Variants in CDH11 observed in about 807,000 individuals in gnomAD.
CDH11 encodes cadherin-11.
CDH11 carries 11 observed loss-of-function variants against 67.8 expected under a neutral mutation model. The observed-to-expected ratio is 0.16, with a 90% CI of 0.10 to 0.27. The LOEUF (loss-of-function observed/expected upper bound fraction) is 0.27. Ranked by LOEUF, CDH11 falls within the 10% of genes least tolerant of loss-of-function variation. The pLI is 1.00. For synonymous variants in CDH11, 419 were observed against 400.0 expected (o/e 1.05, Z -0.57); for missense variants, 847 against 1,031.2 (o/e 0.82, Z 2.45).
intron 3 of CDH11, among the ~76,000 whole-genome samples, chr16:65,003,114 G>T (rs1181842919): frequency 2.8e-5 from 4 of 144,732 alleles, no homozygotes; most frequent in Admixed American, 1.4e-4. Context: ...GGAGGCCTTT[G>T]TCTCATAATA....
At chr16:64,989,754 T>C (rs1273114799) in intron 6 of CDH11, among the ~76,000 whole-genome samples, 1 of 152,178 alleles carries the variant, frequency 6.6e-6, no homozygotes, top group Non-Finnish European at 1.5e-5. Context: ...CATTATCTTA[T>C]TTGCTTTTCA....
In CDH11 at chr16:64,944,660, T is replaced by C. The variant is rs1293951155; in HGVS notation, c.*2943A>G. 1 of 231,502 alleles carries C rather than the reference T, an allele frequency of 4.3e-6. No individual in the cohort carries two copies. Among genetic ancestry groups the C allele is most frequent in the Non-Finnish European group, 8.5e-6 (1 of 117,038 alleles). The allele number at this position is 231,502 out of a possible 1,614,324, so 14.3% of individuals were successfully genotyped here. ...CCATGATCTCTATATTTTTAAGCAA[T>C]TCTCCAAGAGGTGCAAATAAACTAC... On this transcript the variant is annotated 3_prime_UTR_variant, in exon 13 of 13. Coordinates refer to ENST00000268603, the MANE Select transcript of CDH11 (RefSeq NM_001797.4).
At chr16:65,114,665 G>A (rs990133736) in intron 1 of CDH11, among the ~76,000 whole-genome samples, 6 of 152,102 alleles carry the variant, frequency 3.9e-5, no homozygotes, top group East Asian at 1.9e-4. Context: ...AGGAGGGAAC[G>A]CCAGCCTGGA....
intron 1 of CDH11, among the ~76,000 whole-genome samples, chr16:65,080,578 T>C (rs2142797755): frequency 6.6e-6 from 1 of 152,360 alleles, no homozygotes; most frequent in African/African-American, 2.4e-5. Flanking sequence ...GAATTCTTCA[T>C]GTGAGCACGT....
chr16:65,039,152 CT>C (rs1426621705), intron 2 of CDH11, among the ~76,000 whole-genome samples: 5 of 152,196 alleles, frequency 3.3e-5, no homozygotes, highest in African/African-American at 1.2e-4. Flanking sequence ...GCGCACTTGC[CT>C]CCTTCCTTGC....
rs749514930 is a variant in CDH11, at chr16:64,988,195, C to A, written c.961G>T (p.Asp321Tyr). Residue 321 changes from aspartate to tyrosine, a missense_variant, in exon 7 of 13, where the codon GAC (aspartate) becomes TAC (tyrosine). By Grantham distance (160) the Asp-to-Tyr change is radical. This residue lies in a region of CDH11 where 612 missense variants were observed against 678.7 expected (regional missense o/e 0.90). Transcript: ENST00000268603. ...DGMESFEITT[D>Y]YETQEGVIKL... is the part of the protein sequence containing the mutation. ...ATCACCCCCTCCTGTGTTTCATAGT[C>A]CGTTGTGATTTCAAACGATTCCATA... is the stretch of plus-strand genomic sequence containing the variant. 3.2e-5 allele frequency: 51 copies of A among 1,612,608 alleles called. No homozygotes were observed. In the Admixed American group the frequency reaches 8.4e-4, roughly 26 times the overall value.
chr16:65,028,343 T>C (rs1274705254), intron 2 of CDH11, among the ~76,000 whole-genome samples: 3 of 151,872 alleles, frequency 2.0e-5, no homozygotes. Flanking sequence ...GAGGAGAGAG[T>C]AAATGTTGCT....
At chr16:65,012,725 C>T (rs2142552376) in intron 2 of CDH11, among the ~76,000 whole-genome samples, 1 of 152,302 alleles carries the variant, frequency 6.6e-6, no homozygotes, top group African/African-American at 2.4e-5. Flanking sequence ...TGACAGCAAG[C>T]TTCCTGTATG....
At chr16:65,059,992 A>G (rs555831368) in intron 1 of CDH11, among the ~76,000 whole-genome samples, 1 of 152,202 alleles carries the variant, frequency 6.6e-6, no homozygotes, top group African/African-American at 2.4e-5. Context: ...CAACATATTA[A>G]CAACTGAGGT....
intron 1 of CDH11, among the ~76,000 whole-genome samples, chr16:65,113,300 A>G (rs2075191939): frequency 6.6e-6 from 1 of 151,920 alleles, no homozygotes; most frequent in East Asian, 1.9e-4. Context: ...AAAAAAAAAA[A>G]AAGACTTTTG....
chr16:65,120,384 A>G (rs117595578), intron 1 of CDH11, among the ~76,000 whole-genome samples: 1 of 152,274 alleles, frequency 6.6e-6, no homozygotes, highest in Non-Finnish European at 1.5e-5. Context: ...GAGGAAATTG[A>G]TCCGTCCTCT....
chr16:65,103,948 T>G (rs987427053), intron 1 of CDH11, among the ~76,000 whole-genome samples: 1 of 152,182 alleles, frequency 6.6e-6, no homozygotes, highest in East Asian at 1.9e-4. Context: ...CTATTTCCCT[T>G]TTACTTTTTT....
chr16:65,086,468 C>T (rs971436590), intron 1 of CDH11, among the ~76,000 whole-genome samples: 4 of 152,186 alleles, frequency 2.6e-5, no homozygotes, highest in Admixed American at 1.3e-4. Flanking sequence ...CATCTAGATC[C>T]GCCTCTGTTG....
rs537969239 is a variant in CDH11 at position 65,053,904 on chromosome 16, C to T, written c.-273G>A. The T allele has an allele frequency of 3.1e-5, 14 of 455,898 alleles. No homozygotes were observed. The highest frequency in any genetic ancestry group is 3.2e-4 in the Middle Eastern group (1 of 3,092). The allele number at this position is 455,898 out of a possible 1,614,324, so 28.2% of individuals were successfully genotyped here. A position where few individuals can be genotyped will look rare whatever the true frequency, so the allele number is the denominator to read the frequency against. On this transcript the variant is annotated 5_prime_UTR_variant, in exon 2 of 13. Transcript: ENST00000268603. ...ACAACACGAAGGAATGTCACAGGGCCGCTGAGCTGAAAACACAGTGATTTC... is the reference window on the plus strand; with the variant it reads ...ACAACACGAAGGAATGTCACAGGGCTGCTGAGCTGAAAACACAGTGATTTC...
At chr16:65,068,471 A>T (rs2142760383) in intron 1 of CDH11, among the ~76,000 whole-genome samples, 1 of 150,456 alleles carries the variant, frequency 6.6e-6, no homozygotes, top group Non-Finnish European at 1.5e-5. Flanking sequence ...GATTGGATCT[A>T]TGAGACTGTC....
chr16:64,960,325 T>C (rs462735), intron 11 of CDH11, among the ~76,000 whole-genome samples: 39,580 of 152,118 alleles, frequency 0.26, 5,995 homozygotes, highest in Middle Eastern at 0.36. Context: ...TTGAAGAAGA[T>C]TATATGTTAT....
At chr16:65,052,494 G>A (rs559735521) in intron 2 of CDH11, among the ~76,000 whole-genome samples, 2 of 152,308 alleles carry the variant, frequency 1.3e-5, no homozygotes, top group African/African-American at 4.8e-5. Flanking sequence ...AATAATGGCT[G>A]TGCCTTATGA....
At chr16:65,065,264 C>CATG (rs2074295328) in intron 1 of CDH11, among the ~76,000 whole-genome samples, 2 of 152,190 alleles carry the variant, frequency 1.3e-5, no homozygotes, top group Admixed American at 1.3e-4. Flanking sequence ...CCCTGTGACG[C>CATG]ATGCCGTGCA....
chr16:64,991,701 A>C, intron 6 of CDH11, 67 bp downstream of exon 6: 1 of 1,141,310 alleles, frequency 8.8e-7, no homozygotes, highest in Non-Finnish European at 1.3e-6. Flanking sequence ...AAGCAGGAAT[A>C]GGTTAGAGGA....
Sources: gnomAD v4.1 joint callset for allele counts (sites outside exome capture counted in the v4.1 genomes callset) on GRCh38, gnomAD v4.1.1 for gene constraint, gnomAD v4.1.1 regional missense constraint, MANE v1.5 for transcripts, NCBI Gene and HGNC (gene_info 2026-07-23, HGNC 2026-07-21) for gene names.